The following TNRC6A variants were observed in gnomAD, a reference collection of about 807,000 sequenced individuals.
The protein encoded by TNRC6A is trinucleotide repeat-containing gene 6A protein.
In TNRC6A, 44 loss-of-function variants were observed where a neutral mutation model predicts 221.2. That is an observed-to-expected ratio of 0.20 (90% confidence interval 0.16 to 0.26). The LOEUF is 0.26. Among genes scored for constraint, TNRC6A ranks in the 10% least tolerant of loss-of-function variants. The pLI, the probability that TNRC6A is intolerant of heterozygous loss-of-function variation, is 1.00. For missense variants in TNRC6A, 2,199 were observed against 2,404.4 expected, an observed-to-expected ratio of 0.91 and a Z score of 1.79; for synonymous variants, 847 against 838.5, an observed-to-expected ratio of 1.01 and a Z score of -0.18.
intron 4 of TNRC6A, among the ~76,000 whole-genome samples, chr16:24,776,042 G>A (rs374352184): frequency 6.6e-6 from 1 of 151,986 alleles, no homozygotes; most frequent in Non-Finnish European, 1.5e-5. Flanking sequence ...CCATTTTACC[G>A]AGAAAACAGC....
intron 5 of TNRC6A, among the ~76,000 whole-genome samples, chr16:24,788,741 C>T (rs1179331214): frequency 2.0e-5 from 3 of 151,828 alleles, no homozygotes; most frequent in Non-Finnish European, 2.9e-5. Flanking sequence ...CTCCGCCTCC[C>T]GGGTTCATGC....
At chr16:24,723,489 G>C (rs2056445219) in intron 2 of TNRC6A, among the ~76,000 whole-genome samples, 1 of 152,002 alleles carries the variant, frequency 6.6e-6, no homozygotes. Context: ...AGCTACCTGG[G>C]GGGCTGAGAC....
chr16:24,771,329 A>G (rs2057586463), intron 4 of TNRC6A, among the ~76,000 whole-genome samples: 2 of 152,186 alleles, frequency 1.3e-5, no homozygotes, highest in Admixed American at 6.5e-5. Context: ...CAGCAGAGGC[A>G]GTGTGGTTAA....
chr16:24,647,342 G>A (rs1204920842), intron 2 of TNRC6A, among the ~76,000 whole-genome samples: 1 of 152,090 alleles, frequency 6.6e-6, no homozygotes, highest in Non-Finnish European at 1.5e-5. Context: ...ATACGCGCAT[G>A]CATGCAAGAA....
intron 2 of TNRC6A, among the ~76,000 whole-genome samples, chr16:24,645,553 T>C (rs1902233809): frequency 6.6e-6 from 1 of 151,380 alleles, no homozygotes; most frequent in East Asian, 1.9e-4. Flanking sequence ...AATTCACCAA[T>C]CCTCATGTCA....
intron 4 of TNRC6A, 135 bp downstream of exon 4, chr16:24,758,495 T>G: frequency 1.2e-6 from 1 of 866,848 alleles, no homozygotes; most frequent in Non-Finnish European, 1.8e-6. Flanking sequence ...TTCAGTAACA[T>G]ACCCTGGGGT....
At chr16:24,722,384 A>G (rs2056424374) in intron 2 of TNRC6A, among the ~76,000 whole-genome samples, 1 of 151,962 alleles carries the variant, frequency 6.6e-6, no homozygotes, top group African/African-American at 2.4e-5. Flanking sequence ...ACTACACCCT[A>G]GCCTGGGTGA....
chr16:24,729,947 G>A lies in TNRC6A; in HGVS notation c.5+101G>A, dbSNP rs1596559700. ...GGCAGCAGAGGCGGCGGCGCCGGGC[G>A]TCCCCGAGACTTCGGGCCTCGGCGG... On this transcript the variant is annotated intron_variant, in intron 1 of 24. Transcript: ENST00000395799. 2.4e-5 allele frequency: 26 copies of A among 1,088,082 alleles called. No homozygotes were observed. The East Asian group carries it at 8.2e-4, about 34-fold the overall frequency. The allele number at this position is 1,088,082 out of a possible 1,614,324, so 67.4% of individuals were successfully genotyped here.
chr16:24,675,308 T>C (rs1483631405), intron 2 of TNRC6A, among the ~76,000 whole-genome samples: 1 of 152,206 alleles, frequency 6.6e-6, no homozygotes, highest in African/African-American at 2.4e-5. Flanking sequence ...TGAGAAATGC[T>C]GTGATTCTTA....
chr16:24,665,097 A>G, intron 2 of TNRC6A: 1 of 413,016 alleles, frequency 2.4e-6, no homozygotes, highest in Admixed American at 2.5e-5. Flanking sequence ...ACAAGGTCTC[A>G]CTCTGTTGCC....
At chr16:24,696,326 C>A (rs866088499) in intron 2 of TNRC6A, among the ~76,000 whole-genome samples, 2 of 139,418 alleles carry the variant, frequency 1.4e-5, no homozygotes, top group South Asian at 2.4e-4. Flanking sequence ...CCAGCCTGAG[C>A]GACAGAGTCA....
At position 24,792,875 on chromosome 16, in the gene TNRC6A, A is replaced by G. The variant is rs569710306; in HGVS notation, c.3176-598A>G. ...ATGATCTCGGTTCACTGCAGCCTCC[A>G]CCTCCCAGGTTCAAGCAATTCTCCT... On this transcript the variant is annotated intron_variant, in intron 6 of 24. Transcript: ENST00000395799. Among the ~76,000 whole-genome samples the G allele has an allele frequency of 7.7e-5, 11 of 142,508 alleles. No individual in the cohort carries two copies. The South Asian group carries it at 2.2e-3, about 29-fold the overall frequency. 93.5% of individuals were successfully genotyped at this position (142,508 alleles called of 152,430 possible). A position where few individuals can be genotyped will look rare whatever the true frequency, so the allele number is the denominator to read the frequency against.
At chr16:24,681,252 G>A (rs1018485262) in intron 2 of TNRC6A, among the ~76,000 whole-genome samples, 5 of 151,906 alleles carry the variant, frequency 3.3e-5, no homozygotes, top group African/African-American at 4.8e-5. Context: ...GTTTGAGACC[G>A]AGTCTTGCTT....
At chr16:24,613,845 A>G (rs1442260645) in intron 1 of TNRC6A, among the ~76,000 whole-genome samples, 1 of 152,140 alleles carries the variant, frequency 6.6e-6, no homozygotes, top group African/African-American at 2.4e-5. Flanking sequence ...CTATTAAAGC[A>G]TTTTAAGTAG....
intron 2 of TNRC6A, among the ~76,000 whole-genome samples, chr16:24,707,819 G>A (rs551338191): frequency 2.0e-4 from 31 of 152,318 alleles, no homozygotes; most frequent in Admixed American, 1.6e-3. Context: ...AGCACTCTGG[G>A]AGGCCAAGGT....
At chr16:24,766,956 C>T (rs1025282851) in intron 4 of TNRC6A, among the ~76,000 whole-genome samples, 3 of 152,176 alleles carry the variant, frequency 2.0e-5, no homozygotes, top group African/African-American at 4.8e-5. Flanking sequence ...GGATTACAGG[C>T]GTGAGCCACT....
intron 2 of TNRC6A, among the ~76,000 whole-genome samples, chr16:24,673,789 C>G (rs1220001040): frequency 6.6e-6 from 1 of 152,144 alleles, no homozygotes; most frequent in Non-Finnish European, 1.5e-5. Flanking sequence ...AACTCCTGGG[C>G]TCAAGCGAAC....
At chr16:24,786,317 T>G (rs543607723) in intron 5 of TNRC6A, among the ~76,000 whole-genome samples, 2 of 105,094 alleles carry the variant, frequency 1.9e-5, no homozygotes, top group African/African-American at 3.3e-5. Flanking sequence ...TTGTTGTTGT[T>G]TTGTTTTGTT....
At chr16:24,787,543 A>G (rs1485031565) in intron 5 of TNRC6A, among the ~76,000 whole-genome samples, 3 of 152,196 alleles carry the variant, frequency 2.0e-5, no homozygotes, top group Non-Finnish European at 4.4e-5. Context: ...GCTTACACCC[A>G]ATGAGACTGA....
Sources: gnomAD v4.1 joint callset for allele counts (sites outside exome capture counted in the v4.1 genomes callset) on GRCh38, gnomAD v4.1.1 for gene constraint, MANE v1.5 for transcripts, NCBI Gene and HGNC (gene_info 2026-07-23, HGNC 2026-07-21) for gene names.